Variants in SLC6A9 observed in about 807,000 individuals in gnomAD.
SLC6A9 encodes sodium- and chloride-dependent glycine transporter 1.
Under a neutral mutation model 70.9 loss-of-function variants are expected in SLC6A9, and 31 were observed. That is an observed-to-expected ratio of 0.44 (90% confidence interval 0.33 to 0.59). The LOEUF (loss-of-function observed/expected upper bound fraction) is 0.59. Among genes scored for constraint, SLC6A9 ranks in the 20% least tolerant of loss-of-function variants. The pLI, the probability that SLC6A9 is intolerant of heterozygous loss-of-function variation, is 0.04. For missense variants in SLC6A9, 631 were observed against 845.2 expected, an observed-to-expected ratio of 0.75 and a Z score of 3.14; for synonymous variants, 310 against 341.3, an observed-to-expected ratio of 0.91 and a Z score of 1.01.
rs1571831872 is a variant in SLC6A9, at chr1:43,997,569, G to A, written c.1878C>T (p.Ser626=). ...CTCATATCCGGGAGTCCTGGAGGCG[G>A]CTGGAGCCATTACTGCCCACAATGG... The part of the protein sequence containing the change: ...QIPIVGSNGS[S]RLQDSRI Residue 626 remains serine, a synonymous_variant, in exon 14 of 14, where the codon AGC becomes AGT. Coordinates refer to ENST00000372310, the MANE Select transcript of SLC6A9 (RefSeq NM_001024845.3). The surrounding 1 kb of genome is among the most constrained non-coding windows in gnomAD (Gnocchi z 4.4). 2 of 1,613,566 alleles carry A rather than the reference G, an allele frequency of 1.2e-6. No individual in the cohort carries two copies. Among genetic ancestry groups the A allele is most frequent in the Non-Finnish European group, 1.7e-6 (2 of 1,179,944 alleles).
At chr1:44,029,470 C>T (rs979550271) in intron 1 of SLC6A9, among the ~76,000 whole-genome samples, 2 of 152,180 alleles carry the variant, frequency 1.3e-5, no homozygotes. Context: ...TTTGCCCCGG[C>T]ACCCGTTCCA....
chr1:44,026,935 TC>T (rs1347943594), intron 1 of SLC6A9, among the ~76,000 whole-genome samples: 1 of 152,218 alleles, frequency 6.6e-6, no homozygotes, highest in Admixed American at 6.5e-5. Context: ...GCAAATGCAG[TC>T]CCTGCCCTCA....
rs116712387 is a variant in SLC6A9 at position 44,001,366 on chromosome 1, C to T, written c.1200+24G>A. 4,414 of 1,612,708 alleles carry T rather than the reference C, an allele frequency of 2.7e-3. 72 individuals carry two copies. In the African/African-American group the frequency reaches 0.043, roughly 16 times the overall value. On this transcript the variant is annotated intron_variant, in intron 9 of 13. Coordinates refer to ENST00000372310, the MANE Select transcript of SLC6A9 (RefSeq NM_001024845.3). Reference sequence around the variant, plus strand: ...CTGTCCCCTCCCTTCCCCAAGCCTCCGGTCCACGTCCTGCACCTCGTACCT... The same window carrying T: ...CTGTCCCCTCCCTTCCCCAAGCCTCTGGTCCACGTCCTGCACCTCGTACCT...
In SLC6A9 at chr1:44,013,770, CA is replaced by C. The variant is rs564960420; in HGVS notation, c.31-2889del. On this transcript the variant is annotated intron_variant, in intron 2 of 13. Transcript: ENST00000372310. This position sits in a 1 kb window ranked among gnomAD's most constrained non-coding sequence, Gnocchi z 5.3. ...CAAGCAAACTGGAGGAAAGACTCTC[CA>C]AAAAAAAATCCAGGCACTTTCTGGG... Among the ~76,000 whole-genome samples the C allele has an allele frequency of 1.2e-4, 18 of 151,322 alleles. No homozygotes were observed. In the East Asian group the frequency reaches 3.1e-3, roughly 26 times the overall value.
chr1:44,010,477 TC>T, intron 3 of SLC6A9: 2 of 119,786 alleles, frequency 1.7e-5, no homozygotes, highest in Non-Finnish European at 1.9e-5. Context: ...GGGGGTTAGG[TC>T]CTTTTCTCAC....
intron 2 of SLC6A9, among the ~76,000 whole-genome samples, chr1:44,022,852 C>T (rs572392972): frequency 4.0e-5 from 6 of 151,254 alleles, no homozygotes; most frequent in East Asian, 2.0e-4. Flanking sequence ...ATTACAGGTG[C>T]GCACCACCAC....
At position 44,002,996 on chromosome 1, in the gene SLC6A9, G is replaced by T; in HGVS notation, c.591-11C>A. The T allele has an allele frequency of 6.2e-7, 1 of 1,613,942 alleles. No individual in the cohort carries two copies. The highest frequency in any genetic ancestry group is 1.7e-5 in the Admixed American group (1 of 60,002). ...TTCAGCACGTACAGCCTGGGAAGGG[G>T]AGACTCTGTCACTGAGGGCCAGCCG... On this transcript the variant is annotated splice_polypyrimidine_tract_variant and intron_variant, in intron 5 of 13. Transcript: ENST00000372310. This position sits in a 1 kb window ranked among gnomAD's most constrained non-coding sequence, Gnocchi z 5.5.
At chr1:44,022,575 C>A (rs894832848) in intron 2 of SLC6A9, among the ~76,000 whole-genome samples, 1 of 151,988 alleles carries the variant, frequency 6.6e-6, no homozygotes, top group African/African-American at 2.4e-5. Flanking sequence ...GGGGCTAGAC[C>A]AGAGCTGGCC....
In SLC6A9 at chr1:44,001,459, T is replaced by G. The variant is rs2086101929; in HGVS notation, c.1131A>C (p.Leu377=). Residue 377 remains leucine, a synonymous_variant, in exon 9 of 14, where the codon CTA becomes CTC. Coordinates refer to ENST00000372310, the MANE Select transcript of SLC6A9 (RefSeq NM_001024845.3). ...GAGACCACAGCGGGGAGATGGGAAGTAGTGTGAGGGCCTCGGGGTAAGCCA... is the reference window on the plus strand; with the variant it reads ...GAGACCACAGCGGGGAGATGGGAAGGAGTGTGAGGGCCTCGGGGTAAGCCA... ...AFVAYPEALT[L]LPISPLWSLL... 6.2e-7 allele frequency: 1 copy of G among 1,613,560 alleles called. No homozygotes were observed. Among genetic ancestry groups the G allele is most frequent in the Non-Finnish European group, 8.5e-7 (1 of 1,179,914 alleles).
intron 1 of SLC6A9, among the ~76,000 whole-genome samples, chr1:44,029,974 C>A (rs2087064131): frequency 6.6e-6 from 1 of 152,254 alleles, no homozygotes; most frequent in South Asian, 2.1e-4. Context: ...CACCCTCACG[C>A]TCCTTTCAGC....
In SLC6A9 at chr1:44,001,380, C is replaced by T; in HGVS notation, c.1200+10G>A. ...CCCCAAGCCTCCGGTCCACGTCCTG[C>T]ACCTCGTACCTGAGTGCCCAGCCCC... On this transcript the variant is annotated intron_variant, in intron 9 of 13. Transcript: ENST00000372310. 1 of 1,612,144 alleles carries T rather than the reference C, an allele frequency of 6.2e-7. No individual in the cohort carries two copies. The highest frequency in any genetic ancestry group is 1.3e-5 in the African/African-American group (1 of 74,996).
At chr1:44,028,965 A>T (rs1029656555) in intron 1 of SLC6A9, among the ~76,000 whole-genome samples, 1 of 151,918 alleles carries the variant, frequency 6.6e-6, no homozygotes, top group African/African-American at 2.4e-5. Flanking sequence ...GGGTAGGGGG[A>T]GGGATAAGAA....
At position 44,010,212 on chromosome 1, in the gene SLC6A9, T is replaced by C. The variant is rs140011202; in HGVS notation, c.188-116A>G. On this transcript the variant is annotated intron_variant, in intron 3 of 13. Transcript: ENST00000372310. ...CGATTGGGTAGGACCCAGGGAGGAG[T>C]GTGCCAGGCTTGAGCAGGAGCCTGG... 110 of 1,141,754 alleles carry C rather than the reference T, an allele frequency of 9.6e-5. 3 individuals are homozygous for C. In the Middle Eastern group the frequency reaches 2.1e-3, roughly 21 times the overall value. The allele number at this position is 1,141,754 out of a possible 1,614,324, so 70.7% of individuals were successfully genotyped here.
intron 1 of SLC6A9, among the ~76,000 whole-genome samples, chr1:44,029,482 G>C (rs6657901): frequency 0.015 from 2,244 of 152,262 alleles, 60 homozygotes; most frequent in African/African-American, 0.052. Context: ...CCCGTTCCAT[G>C]TTTTTTGAGC....
intron 3 of SLC6A9, 114 bp from the exon 4 acceptor site, chr1:44,010,210 A>G: frequency 8.4e-7 from 1 of 1,183,546 alleles, no homozygotes; most frequent in Non-Finnish European, 1.2e-6. Context: ...CCCAGGGAGG[A>G]GTGTGCCAGG....
At chr1:44,017,205 C>T in intron 2 of SLC6A9, 1 of 1,555,080 alleles carries the variant, frequency 6.4e-7, no homozygotes. Context: ...TGGGCAGCGT[C>T]AATTACTTTC....
intron 1 of SLC6A9, among the ~76,000 whole-genome samples, chr1:44,028,649 G>A (rs775272403): frequency 4.6e-5 from 7 of 152,234 alleles, no homozygotes; most frequent in Non-Finnish European, 1.0e-4. Context: ...CAGCTGCTCA[G>A]GAGGCTGAGT....
chr1:44,023,736 T>G (rs1384358198), intron 2 of SLC6A9, among the ~76,000 whole-genome samples: 1 of 152,150 alleles, frequency 6.6e-6, no homozygotes, highest in African/African-American at 2.4e-5. Flanking sequence ...GCCTCACCAC[T>G]ACCTCTCCTG....
At chr1:44,015,728 G>T in intron 2 of SLC6A9, 1 of 469,086 alleles carries the variant, frequency 2.1e-6, no homozygotes, top group Non-Finnish European at 2.8e-6. Flanking sequence ...ACCCTGCAAT[G>T]ACAGAATCTT....
Sources: gnomAD v4.1 joint callset for allele counts (sites outside exome capture counted in the v4.1 genomes callset) on GRCh38, gnomAD v4.1.1 for gene constraint, Gnocchi (gnomAD v3.1) non-coding constraint, MANE v1.5 for transcripts, NCBI Gene and HGNC (gene_info 2026-07-23, HGNC 2026-07-21) for gene names.